Variants in CDH12 observed in about 807,000 individuals in gnomAD.
CDH12 encodes cadherin-12.
In CDH12, 41 loss-of-function variants were observed where a neutral mutation model predicts 74.1. The observed-to-expected ratio is 0.55, with a 90% CI of 0.43 to 0.72. The LOEUF is 0.72. CDH12 is among the 30% of genes least tolerant of loss of function. The probability of loss-of-function intolerance (pLI) is 0.00; values close to 1 mark genes in which losing one functional copy is unlikely to be tolerated. For synonymous variants in CDH12, 399 were observed against 355.0 expected, an observed-to-expected ratio of 1.12 and a Z score of -1.39; for missense variants, 945 against 977.2, an observed-to-expected ratio of 0.97 and a Z score of 0.44.
chr5:22,389,647 A>G (rs1351766175), intron 3 of CDH12, among the ~76,000 whole-genome samples: 1 of 126,636 alleles, frequency 7.9e-6, no homozygotes, highest in African/African-American at 2.9e-5. Flanking sequence ...TAATAAAAAG[A>G]CAATTTTTTT....
chr5:22,641,303 G>T (rs1739138618), intron 1 of CDH12, among the ~76,000 whole-genome samples: 1 of 152,144 alleles, frequency 6.6e-6, no homozygotes, highest in Non-Finnish European at 1.5e-5. Context: ...GGGTACTAGT[G>T]CAAACCCTAA....
At chr5:22,091,299 AAGAG>A (rs372599413) in intron 4 of CDH12, among the ~76,000 whole-genome samples, 2 of 145,438 alleles carry the variant, frequency 1.4e-5, no homozygotes, top group Admixed American at 7.0e-5. Context: ...GTGAGAGAGA[AAGAG>A]AGAGAGAGAG....
Position 22,405,205 on chromosome 5 carries a change from C to T in CDH12, c.-333+52G>A, listed in dbSNP as rs1052382567. The T allele has an allele frequency of 5.9e-6, 3 of 510,004 alleles. No individual in the cohort carries two copies. In the Admixed American group the frequency reaches 1.9e-4, roughly 33 times the overall value. The allele number at this position is 510,004 out of a possible 1,614,324, so 31.6% of individuals were successfully genotyped here. A position where few individuals can be genotyped will look rare whatever the true frequency, so the allele number is the denominator to read the frequency against. On this transcript the variant is annotated intron_variant, in intron 3 of 14. Coordinates refer to ENST00000382254, the MANE Select transcript of CDH12 (RefSeq NM_004061.5). ...AGTCTGGGTGAAAGAGTGAAACTGT[C>T]TTTAAAAAAAATAAAAAATAAAGAA...
intron 1 of CDH12, among the ~76,000 whole-genome samples, chr5:22,554,196 G>C (rs1738696908): frequency 6.6e-6 from 1 of 152,140 alleles, no homozygotes. Flanking sequence ...GATTTTTAGG[G>C]CAGTGAAATT....
At chr5:22,390,014 TAC>T (rs70959727) in intron 3 of CDH12, among the ~76,000 whole-genome samples, 62 of 150,004 alleles carry the variant, frequency 4.1e-4, no homozygotes, top group East Asian at 5.9e-4. Context: ...GTAGTCAGAA[TAC>T]ACACACACAC....
chr5:21,854,697 G>A lies in CDH12; in HGVS notation c.620C>T (p.Pro207Leu). 1 of 1,608,114 alleles carries A rather than the reference G, an allele frequency of 6.2e-7. No homozygotes were observed. Among genetic ancestry groups the A allele is most frequent in the Non-Finnish European group, 8.5e-7 (1 of 1,175,860 alleles). Residue 207 changes from proline (P) to leucine (L), a missense_variant, in exon 7 of 15, where the codon CCT (proline) becomes CTT (leucine). Physicochemically the swap from Pro to Leu is moderately conservative, Grantham distance 98. Transcript: ENST00000382254. Reference sequence around the variant, plus strand: ...TGTCTTGGGATCAATAGAGAAATAAGGTTGTCCCTGAAGAATGCTGTAAAC... The same window carrying A: ...TGTCTTGGGATCAATAGAGAAATAAAGTTGTCCCTGAAGAATGCTGTAAAC... ...RVVYSILQGQ[P>L]YFSIDPKTGV... is the part of the protein sequence containing the mutation.
At chr5:21,841,107 A>T (rs1749821338) in intron 8 of CDH12, among the ~76,000 whole-genome samples, 1 of 152,236 alleles carries the variant, frequency 6.6e-6, no homozygotes, top group Non-Finnish European at 1.5e-5. Context: ...CAAGCTACTC[A>T]TCTGACAAAG....
At chr5:22,092,100 C>T (rs762537957) in intron 4 of CDH12, among the ~76,000 whole-genome samples, 4 of 151,616 alleles carry the variant, frequency 2.6e-5, no homozygotes, top group Non-Finnish European at 5.9e-5. Flanking sequence ...ATAAAAATGA[C>T]TTTTATCCTC....
intron 1 of CDH12, among the ~76,000 whole-genome samples, chr5:22,571,875 C>T: frequency 6.6e-6 from 1 of 152,040 alleles, no homozygotes; most frequent in East Asian, 1.9e-4. Flanking sequence ...AAAACTATTA[C>T]AACAGTAACA....
At chr5:22,368,722 C>T (rs1414318225) in intron 3 of CDH12, among the ~76,000 whole-genome samples, 1 of 152,060 alleles carries the variant, frequency 6.6e-6, no homozygotes, top group African/African-American at 2.4e-5. Context: ...GACATAAATG[C>T]TTGATGATTA....
chr5:21,939,985 C>A (rs1276159701), intron 6 of CDH12, among the ~76,000 whole-genome samples: 1 of 152,090 alleles, frequency 6.6e-6, no homozygotes, highest in African/African-American at 2.4e-5. Context: ...CTTTGGGAGG[C>A]CACAGTGAGT....
At chr5:22,673,375 G>A (rs1328049894) in intron 1 of CDH12, among the ~76,000 whole-genome samples, 1 of 151,938 alleles carries the variant, frequency 6.6e-6, no homozygotes, top group Non-Finnish European at 1.5e-5. Flanking sequence ...TTATTTTCTT[G>A]GTTTGTAAAA....
At chr5:22,489,259 G>A (rs904657774) in intron 2 of CDH12, among the ~76,000 whole-genome samples, 2 of 151,040 alleles carry the variant, frequency 1.3e-5, no homozygotes, top group South Asian at 2.1e-4. Context: ...GGGTTTCACC[G>A]TGTTAGCCAG....
intron 1 of CDH12, among the ~76,000 whole-genome samples, chr5:22,702,444 T>TG (rs1259972440): frequency 6.6e-6 from 1 of 152,092 alleles, no homozygotes; most frequent in Non-Finnish European, 1.5e-5. Context: ...CCTCCTTCTC[T>TG]GGTGTTTTCT....
chr5:22,001,195 C>T (rs1736581339), intron 5 of CDH12, among the ~76,000 whole-genome samples: 1 of 152,122 alleles, frequency 6.6e-6, no homozygotes, highest in African/African-American at 2.4e-5. Context: ...AGCTAGTGAA[C>T]ATCTATTTTA....
At chr5:22,109,688 C>A (rs1294834559) in intron 4 of CDH12, among the ~76,000 whole-genome samples, 1 of 152,100 alleles carries the variant, frequency 6.6e-6, no homozygotes, top group East Asian at 1.9e-4. Context: ...TGTATCTGTA[C>A]CTATACCACA....
intron 1 of CDH12, among the ~76,000 whole-genome samples, chr5:22,678,051 G>GGT (rs1561571451): frequency 6.6e-6 from 1 of 151,354 alleles, no homozygotes; most frequent in Non-Finnish European, 1.5e-5. Context: ...TCATGGGGGG[G>GGT]GGGGTTAGGA....
At chr5:22,022,729 C>T (rs1045859843) in intron 5 of CDH12, among the ~76,000 whole-genome samples, 1 of 152,008 alleles carries the variant, frequency 6.6e-6, no homozygotes, top group Non-Finnish European at 1.5e-5. Flanking sequence ...TTCTTGCTCA[C>T]CCTATATAAC....
intron 6 of CDH12, among the ~76,000 whole-genome samples, chr5:21,875,896 A>ATTTTTT (rs34435511): frequency 7.3e-6 from 1 of 136,828 alleles, no homozygotes; most frequent in Non-Finnish European, 1.5e-5. Flanking sequence ...CTTTGCGGGC[A>ATTTTTT]TTTTTTTTTT....
Sources: allele counts gnomAD v4.1 joint callset (sites outside exome capture counted in the v4.1 genomes callset), GRCh38; gene constraint gnomAD v4.1.1; transcripts MANE v1.5; gene names NCBI Gene and HGNC (gene_info 2026-07-23, HGNC 2026-07-21).